The following FBXL17 variants were observed in gnomAD, a reference collection of about 807,000 sequenced individuals.
FBXL17 encodes F-box/LRR-repeat protein 17.
In FBXL17, 22 loss-of-function variants were observed where a neutral mutation model predicts 66.2. That is an observed-to-expected ratio of 0.33 (90% confidence interval 0.24 to 0.47). The LOEUF (loss-of-function observed/expected upper bound fraction) is 0.47. Among genes scored for constraint, FBXL17 ranks in the 20% least tolerant of loss-of-function variants. The pLI is 1.00. For missense variants in FBXL17, 878 were observed against 948.2 expected (o/e 0.93, Z 0.97); for synonymous variants, 474 against 400.5 (o/e 1.18, Z -2.19).
chr5:108,113,410 C>T (rs1750116884), intron 6 of FBXL17, among the ~76,000 whole-genome samples: 1 of 151,994 alleles, frequency 6.6e-6, no homozygotes, highest in African/African-American at 2.4e-5. Context: ...ATTTTTCCAA[C>T]ATATGCACAT....
intron 1 of FBXL17, among the ~76,000 whole-genome samples, chr5:108,374,163 C>T (rs148365103): frequency 7.3e-4 from 111 of 152,252 alleles, no homozygotes; most frequent in African/African-American, 2.4e-3. Flanking sequence ...AAGAGATGAA[C>T]AAGTAAACTG....
At chr5:108,297,945 T>C in intron 4 of FBXL17, 1 of 972,004 alleles carries the variant, frequency 1.0e-6, no homozygotes, top group Non-Finnish European at 1.2e-6. Flanking sequence ...TTTATGGCAT[T>C]ATATTCTCCA....
At chr5:107,897,698 A>G (rs1749428262) in intron 7 of FBXL17, among the ~76,000 whole-genome samples, 1 of 152,102 alleles carries the variant, frequency 6.6e-6, no homozygotes, top group Non-Finnish European at 1.5e-5. Flanking sequence ...GTACTTTTTG[A>G]AAAGAATTAT....
At chr5:108,343,881 C>T (rs1422993284) in intron 4 of FBXL17, among the ~76,000 whole-genome samples, 1 of 152,168 alleles carries the variant, frequency 6.6e-6, no homozygotes, top group Admixed American at 6.5e-5. Flanking sequence ...ATAGGCTTCA[C>T]TATCCTCTCC....
At chr5:108,084,132 C>T (rs1489364359) in intron 6 of FBXL17, among the ~76,000 whole-genome samples, 1 of 152,168 alleles carries the variant, frequency 6.6e-6, no homozygotes, top group Admixed American at 6.5e-5. Context: ...GAAGGTTAAA[C>T]TTCTAGCTTG....
At position 107,935,409 on chromosome 5, in the gene FBXL17, A is replaced by ATGTGTGTG. The variant is rs10636166; in HGVS notation, c.1823-54231_1823-54230insCACACACA. Among the ~76,000 whole-genome samples, 1,164 of 149,154 alleles carry ATGTGTGTG rather than the reference A, an allele frequency of 7.8e-3. 6 individuals carry two copies. Among genetic ancestry groups the ATGTGTGTG allele is most frequent in the Middle Eastern group, 0.02 (6 of 294 alleles). On this transcript the variant is annotated intron_variant, in intron 7 of 8. Transcript: ENST00000542267. ...AAGAGGCATCTCTCTTTATATATATATATGTGTGTGTGTGTGTGTGTATGT... is the reference window on the plus strand; with the variant it reads ...AAGAGGCATCTCTCTTTATATATATATGTGTGTGTATGTGTGTGTGTGTGTGTGTATGT...
chr5:108,163,855 C>T (rs372191469), intron 6 of FBXL17, among the ~76,000 whole-genome samples: 1 of 152,202 alleles, frequency 6.6e-6, no homozygotes, highest in Non-Finnish European at 1.5e-5. Flanking sequence ...AACTTTCCAC[C>T]TAATTGCCTG....
At chr5:108,297,045 G>A (rs1248757691) in intron 4 of FBXL17, among the ~76,000 whole-genome samples, 1 of 151,252 alleles carries the variant, frequency 6.6e-6, no homozygotes, top group Non-Finnish European at 1.5e-5. Flanking sequence ...AACCTAGCAT[G>A]CATAGGTAAC....
At chr5:108,159,824 G>A (rs373293773) in intron 6 of FBXL17, among the ~76,000 whole-genome samples, 2 of 152,004 alleles carry the variant, frequency 1.3e-5, no homozygotes, top group East Asian at 1.9e-4. Context: ...CTAAATCCAC[G>A]ATGTCTTTTA....
intron 7 of FBXL17, among the ~76,000 whole-genome samples, chr5:107,982,307 A>G (rs1277180028): frequency 1.3e-5 from 2 of 151,906 alleles, no homozygotes; most frequent in Non-Finnish European, 2.9e-5. Context: ...TGGGCCATCA[A>G]TATTGACCTT....
chr5:108,217,981 A>C (rs1030479286), intron 5 of FBXL17, among the ~76,000 whole-genome samples: 1 of 147,996 alleles, frequency 6.8e-6, no homozygotes, highest in Non-Finnish European at 1.5e-5. Flanking sequence ...ATAGTATTCC[A>C]TTGTGTGTAT....
At chr5:107,921,491 T>C (rs944086579) in intron 7 of FBXL17, among the ~76,000 whole-genome samples, 2 of 152,174 alleles carry the variant, frequency 1.3e-5, no homozygotes, top group South Asian at 2.1e-4. Flanking sequence ...GGAAACAGTA[T>C]GGCAAAGCAC....
intron 6 of FBXL17, among the ~76,000 whole-genome samples, chr5:108,077,104 G>A (rs994197928): frequency 2.6e-5 from 4 of 152,110 alleles, no homozygotes; most frequent in African/African-American, 9.7e-5. Flanking sequence ...ATTCATACAG[G>A]TATTGCAAGC....
intron 4 of FBXL17, among the ~76,000 whole-genome samples, chr5:108,302,707 A>G (rs1323704858): frequency 2.6e-5 from 4 of 151,822 alleles, no homozygotes; most frequent in Non-Finnish European, 4.4e-5. Flanking sequence ...ATGTTCAGCC[A>G]CTGACAGTTA....
At chr5:108,064,910 C>T (rs967630632) in intron 6 of FBXL17, among the ~76,000 whole-genome samples, 3 of 152,114 alleles carry the variant, frequency 2.0e-5, no homozygotes, top group Non-Finnish European at 4.4e-5. Context: ...ATCTGGGCCA[C>T]TGCTTTTTAA....
intron 6 of FBXL17, among the ~76,000 whole-genome samples, chr5:108,026,066 A>T (rs1754811465): frequency 6.6e-6 from 1 of 152,182 alleles, no homozygotes; most frequent in Admixed American, 6.6e-5. Context: ...TTCTATGCAC[A>T]AAAGAGGTAA....
At chr5:108,240,306 C>T (rs1374060883) in intron 4 of FBXL17, among the ~76,000 whole-genome samples, 2 of 152,128 alleles carry the variant, frequency 1.3e-5, no homozygotes, top group African/African-American at 4.8e-5. Flanking sequence ...TCTATAACTA[C>T]CCTGAGCCAG....
At chr5:108,151,734 T>C (rs994155406) in intron 6 of FBXL17, among the ~76,000 whole-genome samples, 4 of 152,198 alleles carry the variant, frequency 2.6e-5, no homozygotes, top group African/African-American at 7.2e-5. Flanking sequence ...TAAGGACACC[T>C]ATGTTTCCAT....
chr5:108,067,131 A>G (rs748721818), intron 6 of FBXL17, among the ~76,000 whole-genome samples: 1 of 152,150 alleles, frequency 6.6e-6, no homozygotes, highest in Non-Finnish European at 1.5e-5. Context: ...TGAATATTCT[A>G]AAGGAAATGT....
Sources: allele counts gnomAD v4.1 joint callset (sites outside exome capture counted in the v4.1 genomes callset), GRCh38; gene constraint gnomAD v4.1.1; transcripts MANE v1.5; gene names NCBI Gene and HGNC (gene_info 2026-07-23, HGNC 2026-07-21).